USP32: variants seen among roughly 807,000 people sequenced by gnomAD.
USP32 encodes ubiquitin carboxyl-terminal hydrolase 32.
USP32 carries 59 observed loss-of-function variants against 204.8 expected under a neutral mutation model. The observed-to-expected ratio is 0.29, with a 90% CI of 0.23 to 0.36. USP32 has a LOEUF of 0.36. Among genes scored for constraint, USP32 ranks in the 10% least tolerant of loss-of-function variants. The pLI is 1.00. For synonymous variants in USP32, 517 were observed against 678.4 expected, an observed-to-expected ratio of 0.76 and a Z score of 3.70; for missense variants, 1,160 against 1,946.4, an observed-to-expected ratio of 0.60 and a Z score of 7.60.
intron 1 of USP32, among the ~76,000 whole-genome samples, chr17:60,400,694 T>C (rs1409890439): frequency 6.6e-6 from 1 of 152,142 alleles, no homozygotes; most frequent in Non-Finnish European, 1.5e-5. Flanking sequence ...GAGACATAGG[T>C]TGAGGAGTCA....
chr17:60,299,671 G>C (rs1015630542), intron 3 of USP32, among the ~76,000 whole-genome samples: 12 of 152,168 alleles, frequency 7.9e-5, no homozygotes, highest in African/African-American at 2.9e-4. Flanking sequence ...TAAAAATAAT[G>C]GTCTAGATTC....
At chr17:60,252,464 CA>C in intron 10 of USP32, 22 bp from the exon 11 acceptor site, 2 of 1,589,266 alleles carry the variant, frequency 1.3e-6, no homozygotes, top group Middle Eastern at 1.7e-4. Flanking sequence ...AATGGTAAAT[CA>C]AAGTTTATTA....
chr17:60,287,371 T>C, intron 5 of USP32, among the ~76,000 whole-genome samples: 1 of 152,150 alleles, frequency 6.6e-6, no homozygotes, highest in East Asian at 1.9e-4. Context: ...CCAATGAGTA[T>C]CCTCCATGTA....
intron 10 of USP32, 47 bp downstream of exon 10, chr17:60,255,128 G>GTAC: frequency 7.2e-7 from 1 of 1,388,252 alleles, no homozygotes. Flanking sequence ...AGATGTAGAA[G>GTAC]TACTGGTACT....
At chr17:60,281,152 A>G (rs2086957033) in intron 5 of USP32, among the ~76,000 whole-genome samples, 1 of 152,246 alleles carries the variant, frequency 6.6e-6, no homozygotes, top group Admixed American at 6.5e-5. Flanking sequence ...CTTGATCCCA[A>G]AACAATTATT....
At chr17:60,251,961 A>G (rs887175543) in intron 11 of USP32, among the ~76,000 whole-genome samples, 1 of 152,146 alleles carries the variant, frequency 6.6e-6, no homozygotes, top group East Asian at 1.9e-4. Flanking sequence ...CCATTTTTAT[A>G]TGAATTTTAC....
At chr17:60,200,750 T>C (rs1235986582) in intron 26 of USP32, among the ~76,000 whole-genome samples, 1 of 152,244 alleles carries the variant, frequency 6.6e-6, no homozygotes, top group Non-Finnish European at 1.5e-5. Flanking sequence ...TTTCTTGCTT[T>C]TCTTTACAGT....
intron 28 of USP32, among the ~76,000 whole-genome samples, chr17:60,190,976 T>C (rs2145406327): frequency 6.6e-6 from 1 of 152,326 alleles, no homozygotes; most frequent in Non-Finnish European, 1.5e-5. Context: ...GACATGGGAA[T>C]TGCCTGTTTG....
chr17:60,227,260 T>A (rs1567783788), intron 12 of USP32, among the ~76,000 whole-genome samples: 1 of 147,694 alleles, frequency 6.8e-6, no homozygotes, highest in South Asian at 2.1e-4. Context: ...CTAGTTTTCT[T>A]TTCTTTTTTT....
chr17:60,348,336 A>G (rs1009218077), intron 1 of USP32, among the ~76,000 whole-genome samples: 2 of 152,140 alleles, frequency 1.3e-5, no homozygotes, highest in Non-Finnish European at 2.9e-5. Context: ...AGTGTTTCCA[A>G]GAGGAAGGAA....
chr17:60,348,689 G>C (rs951787369), intron 1 of USP32, among the ~76,000 whole-genome samples: 5 of 151,982 alleles, frequency 3.3e-5, no homozygotes, highest in African/African-American at 1.2e-4. Context: ...GATCACTTGA[G>C]CCCGGGAAGT....
In USP32 at chr17:60,265,567, T is replaced by C. The variant is rs1037657877; in HGVS notation, c.928-93A>G. 6.9e-6 allele frequency: 6 copies of C among 867,020 alleles called. No homozygotes were observed. In the Admixed American group the frequency reaches 1.1e-4, roughly 16 times the overall value. 53.7% of individuals were successfully genotyped at this position (867,020 alleles called of 1,614,324 possible). A position where few individuals can be genotyped will look rare whatever the true frequency, so the allele number is the denominator to read the frequency against. On this transcript the variant is annotated intron_variant, in intron 8 of 33. Transcript: ENST00000300896. ...CTAAAGTATATTAAGCAAGATTTGT[T>C]TTGCTTTTCTTGTAGAGATGGGGTC...
intron 2 of USP32, among the ~76,000 whole-genome samples, chr17:60,302,387 T>C (rs1305719318): frequency 6.6e-6 from 1 of 152,184 alleles, no homozygotes; most frequent in Non-Finnish European, 1.5e-5. Flanking sequence ...CCTCAAATGA[T>C]CTGCCCACCT....
chr17:60,375,018 CTG>C (rs1211262922), intron 1 of USP32, among the ~76,000 whole-genome samples: 2 of 152,198 alleles, frequency 1.3e-5, no homozygotes. Context: ...AAATAATTAG[CTG>C]TGTTTGGTGA....
chr17:60,245,531 T>C, intron 11 of USP32: 1 of 311,530 alleles, frequency 3.2e-6, no homozygotes, highest in Non-Finnish European at 6.2e-6. Flanking sequence ...TGTCAATACC[T>C]CTGGGTTTCT....
In USP32 at chr17:60,319,135, G is replaced by C. The variant is rs550148573; in HGVS notation, c.187-17431C>G. Among the ~76,000 whole-genome samples, 62 of 152,278 alleles carry C rather than the reference G, an allele frequency of 4.1e-4. No homozygotes were observed. In the South Asian group the frequency reaches 0.013, roughly 32 times the overall value. On this transcript the variant is annotated intron_variant, in intron 2 of 33. Transcript: ENST00000300896. ...TGGTTAATGAGCCGAGTTTCTGTTT[G>C]GGATGATGAAAAGGTTTTAGAAAAA...
At chr17:60,351,624 C>T (rs566270531) in intron 1 of USP32, among the ~76,000 whole-genome samples, 129 of 152,206 alleles carry the variant, frequency 8.5e-4, no homozygotes, top group African/African-American at 3.0e-3. Context: ...GGCGGGGTTT[C>T]GCCATGCTGG....
Position 60,264,777 on chromosome 17 carries a change from T to A in USP32, c.990+635A>T, listed in dbSNP as rs1598164106. Among the ~76,000 whole-genome samples, 5 of 147,764 alleles carry A rather than the reference T, an allele frequency of 3.4e-5. 1 individual carries two copies. In the South Asian group the frequency reaches 1.1e-3, roughly 31 times the overall value. ...TTGGAGGCTGAGGCAAGAAAATCAC[T>A]TGAAGCCGGGAGGCAGAGGTGGCAG... is the stretch of plus-strand genomic sequence containing the variant. On this transcript the variant is annotated intron_variant, in intron 9 of 33. Transcript: ENST00000300896.
chr17:60,261,708 T>C (rs1199839520), intron 9 of USP32, among the ~76,000 whole-genome samples: 10 of 152,150 alleles, frequency 6.6e-5, no homozygotes, highest in Non-Finnish European at 1.5e-5. Context: ...TGTAATTTGA[T>C]ATGTGTGATA....
Sources: allele counts gnomAD v4.1 joint callset (sites outside exome capture counted in the v4.1 genomes callset), GRCh38; gene constraint gnomAD v4.1.1; transcripts MANE v1.5; gene names NCBI Gene and HGNC (gene_info 2026-07-23, HGNC 2026-07-21).